The following ZPBP variants were observed in gnomAD, a reference collection of about 807,000 sequenced individuals.
ZPBP encodes zona pellucida binding protein.
Under a neutral mutation model 44.8 loss-of-function variants are expected in ZPBP, and 26 were observed. That is an observed-to-expected ratio of 0.58 (90% CI 0.43 to 0.81). ZPBP has a LOEUF of 0.81. Among genes scored for constraint, ZPBP ranks in the 30% least tolerant of loss-of-function variants. The pLI, the probability that ZPBP is intolerant of heterozygous loss-of-function variation, is 0.00. For synonymous variants in ZPBP, 174 were observed against 153.2 expected (o/e 1.14, Z -1.00); for missense variants, 409 against 434.0 (o/e 0.94, Z 0.51).
chr7:50,067,395 T>A (rs541587435), intron 3 of ZPBP, among the ~76,000 whole-genome samples: 14 of 152,156 alleles, frequency 9.2e-5, no homozygotes, highest in Non-Finnish European at 1.8e-4. Flanking sequence ...AGCAGAAGCA[T>A]ATTTGGAATC....
At chr7:50,009,173 G>A (rs1170339039) in intron 6 of ZPBP, among the ~76,000 whole-genome samples, 4 of 147,920 alleles carry the variant, frequency 2.7e-5, no homozygotes, top group Non-Finnish European at 4.4e-5. Flanking sequence ...CTAGGTGGAG[G>A]TTGCAGTGAG....
At chr7:49,963,044 C>A (rs753871324) in intron 7 of ZPBP, among the ~76,000 whole-genome samples, 1 of 150,798 alleles carries the variant, frequency 6.6e-6, no homozygotes, top group Admixed American at 6.6e-5. Context: ...TAAAAAGATA[C>A]AGGAAAGGAT....
Position 50,093,209 on chromosome 7 carries a change from C to A in ZPBP, c.-15G>T. ...AAGGCCTCCATCCACACGCCGCCGT[C>A]GCCTGCCCACCGTCCGCGCGGAAGG... is the stretch of plus-strand genomic sequence containing the variant. On this transcript the variant is annotated 5_prime_UTR_variant, in exon 1 of 8. Transcript: ENST00000046087. 1 of 1,509,956 alleles carries A rather than the reference C, an allele frequency of 6.6e-7. No homozygotes were observed. Among genetic ancestry groups the A allele is most frequent in the South Asian group, 1.3e-5 (1 of 79,890 alleles). 93.5% of individuals were successfully genotyped at this position (1,509,956 alleles called of 1,614,324 possible).
chr7:50,000,508 TAAGGAAAAGC>T (rs1221035690), intron 6 of ZPBP, among the ~76,000 whole-genome samples: 1 of 152,194 alleles, frequency 6.6e-6, no homozygotes, highest in East Asian at 1.9e-4. Context: ...ACTTCTATTT[TAAGGAAAAGC>T]AATGAAAAGC....
At chr7:49,876,577 A>AAATTTAATTGGAG (rs1791422063) in intron 2 of ZPBP, among the ~76,000 whole-genome samples, 2 of 152,178 alleles carry the variant, frequency 1.3e-5, no homozygotes, top group South Asian at 4.1e-4. Context: ...TTAAATACCT[A>AAATTTAATTGGAG]CTTGGAGAAA....
chr7:49,973,635 A>G (rs563264534), intron 7 of ZPBP, among the ~76,000 whole-genome samples: 3 of 152,234 alleles, frequency 2.0e-5, no homozygotes, highest in East Asian at 3.9e-4. Flanking sequence ...CAAGTCCACA[A>G]TGAGGAACAC....
chr7:49,966,423 A>T (rs1796065237), intron 7 of ZPBP, among the ~76,000 whole-genome samples: 3 of 152,166 alleles, frequency 2.0e-5, no homozygotes, highest in Non-Finnish European at 4.4e-5. Flanking sequence ...ATTTACCAAA[A>T]TATATATACC....
chr7:49,888,636 C>T (rs1163236204), intron 2 of ZPBP, among the ~76,000 whole-genome samples: 2 of 152,136 alleles, frequency 1.3e-5, no homozygotes, highest in African/African-American at 2.4e-5. Context: ...TTTTGCCAGG[C>T]GCGGTGGCTC....
At chr7:49,943,405 T>C in intron 7 of ZPBP, 1 of 399,690 alleles carries the variant, frequency 2.5e-6, no homozygotes, top group Non-Finnish European at 4.8e-6. Flanking sequence ...AGATATTTCA[T>C]CTACAATGGG....
intron 2 of ZPBP, among the ~76,000 whole-genome samples, chr7:50,088,026 A>G (rs1802757590): frequency 6.6e-6 from 1 of 152,064 alleles, no homozygotes; most frequent in South Asian, 2.1e-4. Flanking sequence ...TGATTTCAAA[A>G]CTTATTATAA....
At chr7:50,089,312 T>C (rs1802827480) in intron 2 of ZPBP, among the ~76,000 whole-genome samples, 1 of 152,134 alleles carries the variant, frequency 6.6e-6, no homozygotes, top group Admixed American at 6.5e-5. Context: ...ATCCAAAATA[T>C]GTATGATTTG....
intron 6 of ZPBP, among the ~76,000 whole-genome samples, chr7:49,989,419 A>C (rs1280549604): frequency 6.6e-6 from 1 of 152,242 alleles, no homozygotes. Context: ...CCTATCTGAG[A>C]TTCCTTGTGG....
rs371364620 is a variant in ZPBP at position 49,879,072 on chromosome 7, C to T, written n.509+22046G>A. 1.9e-4 allele frequency among the ~76,000 whole-genome samples: 29 copies of T among 152,278 alleles called. 1 individual carries two copies. The South Asian group carries it at 6.0e-3, about 32-fold the overall frequency. ...CACTGGATGTTTTCTTAATATCCGG[C>T]AGTTCATTCCCTCAATCCTCAAAGG... On this transcript the variant is annotated intron_variant and non_coding_transcript_variant, in intron 2 of 2. Transcript: ENST00000465922.
At chr7:50,006,630 C>A (rs1282376893) in intron 6 of ZPBP, among the ~76,000 whole-genome samples, 4 of 151,890 alleles carry the variant, frequency 2.6e-5, no homozygotes, top group Non-Finnish European at 5.9e-5. Context: ...ATCAACCTAC[C>A]TTTACAACCT....
chr7:49,933,592 C>A (rs1794522653), downstream of ZPBP, among the ~76,000 whole-genome samples: 1 of 152,144 alleles, frequency 6.6e-6, no homozygotes. Flanking sequence ...GCTATAAAGA[C>A]ACATGCAAAC....
At chr7:50,023,254 C>G (rs1280773647) in intron 5 of ZPBP, among the ~76,000 whole-genome samples, 1 of 152,076 alleles carries the variant, frequency 6.6e-6, no homozygotes, top group Non-Finnish European at 1.5e-5. Context: ...GCGAAGGACT[C>G]AGGCTCTCTG....
intron 2 of ZPBP, among the ~76,000 whole-genome samples, chr7:49,877,151 A>G (rs113430235): frequency 0.012 from 1,846 of 152,038 alleles, 29 homozygotes; most frequent in African/African-American, 0.033. Flanking sequence ...CCTGACACAT[A>G]GTCTCAGTGC....
chr7:50,090,248 C>T (rs1163668568), intron 1 of ZPBP, among the ~76,000 whole-genome samples: 1 of 152,042 alleles, frequency 6.6e-6, no homozygotes, highest in African/African-American at 2.4e-5. Flanking sequence ...ACCCCCATCC[C>T]ACCGTTTCTC....
intron 2 of ZPBP, among the ~76,000 whole-genome samples, chr7:49,863,644 C>T (rs1440139319): frequency 6.6e-6 from 1 of 151,990 alleles, no homozygotes; most frequent in African/African-American, 2.4e-5. Context: ...GTTGCCTAGT[C>T]TAGTCTTTAA....
Sources: gnomAD v4.1 joint callset for allele counts (sites outside exome capture counted in the v4.1 genomes callset) on GRCh38, gnomAD v4.1.1 for gene constraint, MANE v1.5 for transcripts, NCBI Gene and HGNC (gene_info 2026-07-23, HGNC 2026-07-21) for gene names.